Variants in FSTL5 observed in about 807,000 individuals in gnomAD.
FSTL5 encodes follistatin like 5.
FSTL5 carries 62 observed loss-of-function variants against 89.1 expected under a neutral mutation model. The ratio of observed to expected loss-of-function variants is 0.70; its 90% confidence interval spans 0.57 to 0.86. The LOEUF (loss-of-function observed/expected upper bound fraction) is 0.86. Among genes scored for constraint, FSTL5 ranks in the 40% least tolerant of loss-of-function variants. The pLI is 0.00. For synonymous variants in FSTL5, 383 were observed against 346.2 expected, an observed-to-expected ratio of 1.11 and a Z score of -1.18; for missense variants, 1,057 against 1,001.6, an observed-to-expected ratio of 1.06 and a Z score of -0.75.
chr4:161,897,671 A>T (rs1436910556), intron 4 of FSTL5, among the ~76,000 whole-genome samples: 3 of 151,994 alleles, frequency 2.0e-5, no homozygotes. Context: ...TATTATTAAC[A>T]TCTTGAATTA....
At chr4:161,913,671 C>T (rs1226435592) in intron 4 of FSTL5, among the ~76,000 whole-genome samples, 2 of 151,998 alleles carry the variant, frequency 1.3e-5, no homozygotes, top group East Asian at 1.9e-4. Flanking sequence ...GGCAGAGCTA[C>T]CCAAGACCAT....
rs1731403542 is a variant in FSTL5, at chr4:161,847,388, C to CT, written c.410-71315dup. On this transcript the variant is annotated intron_variant, in intron 4 of 15. Transcript: ENST00000306100. ...TATTAGAGAGAAACCATTACTATCCCTATTTTACAGATGAGAAAGCATACA... is the reference window on the plus strand; with the variant it reads ...TATTAGAGAGAAACCATTACTATCCCTTATTTTACAGATGAGAAAGCATACA... Among the ~76,000 whole-genome samples, 6 of 152,092 alleles carry CT rather than the reference C, an allele frequency of 3.9e-5. No homozygotes were observed. In the South Asian group the frequency reaches 1.2e-3, roughly 31 times the overall value.
chr4:161,526,180 G>C (rs1328326421), intron 10 of FSTL5, among the ~76,000 whole-genome samples: 1 of 152,020 alleles, frequency 6.6e-6, no homozygotes, highest in Non-Finnish European at 1.5e-5. Context: ...ATTAACATTA[G>C]TATAACTTGT....
chr4:162,138,106 A>G (rs1732586868), intron 1 of FSTL5, among the ~76,000 whole-genome samples: 1 of 151,780 alleles, frequency 6.6e-6, no homozygotes, highest in Non-Finnish European at 1.5e-5. Context: ...AACACCATGA[A>G]AGCAGAAATA....
At chr4:162,144,808 T>A (rs577090727) in intron 1 of FSTL5, among the ~76,000 whole-genome samples, 1 of 152,172 alleles carries the variant, frequency 6.6e-6, no homozygotes, top group Non-Finnish European at 1.5e-5. Flanking sequence ...TGTTTGGAAT[T>A]TTCTTATGTA....
chr4:161,755,174 C>T (rs1740526907), intron 6 of FSTL5, among the ~76,000 whole-genome samples: 2 of 151,730 alleles, frequency 1.3e-5, no homozygotes, highest in African/African-American at 4.8e-5. Context: ...ACTTGAAGCA[C>T]ACAATAAGGA....
chr4:162,036,138 C>G (rs190632610), intron 2 of FSTL5, among the ~76,000 whole-genome samples: 2 of 152,036 alleles, frequency 1.3e-5, no homozygotes, highest in African/African-American at 2.4e-5. Context: ...CCTTAAGTCT[C>G]GTTCTATTGC....
chr4:161,625,878 T>C (rs1735299958), intron 7 of FSTL5, among the ~76,000 whole-genome samples: 1 of 152,118 alleles, frequency 6.6e-6, no homozygotes, highest in East Asian at 1.9e-4. Flanking sequence ...TTGAGTGGTC[T>C]GGATAGAAGA....
chr4:162,153,642 G>GTATATAATAATA (rs1431868029), intron 1 of FSTL5, among the ~76,000 whole-genome samples: 1 of 86,420 alleles, frequency 1.2e-5, no homozygotes, highest in African/African-American at 4.2e-5. Flanking sequence ...AATAATATAT[G>GTATATAATAATA]TATATTATAT....
chr4:162,117,006 C>T (rs1188518433), intron 1 of FSTL5, among the ~76,000 whole-genome samples: 1 of 152,158 alleles, frequency 6.6e-6, no homozygotes, highest in Non-Finnish European at 1.5e-5. Context: ...ATCACTCTTA[C>T]AAAGATGTAA....
intron 7 of FSTL5, among the ~76,000 whole-genome samples, chr4:161,618,505 C>T (rs535500851): frequency 0.018 from 2,709 of 147,494 alleles, 46 homozygotes; most frequent in South Asian, 0.047. Flanking sequence ...CCCATCAATA[C>T]CTAATTTATT....
chr4:161,476,539 G>T (rs1401684856), intron 13 of FSTL5, among the ~76,000 whole-genome samples: 1 of 151,900 alleles, frequency 6.6e-6, no homozygotes, highest in Admixed American at 6.6e-5. Context: ...ATTATTGTAG[G>T]CCATCTCTGT....
intron 13 of FSTL5, among the ~76,000 whole-genome samples, chr4:161,467,184 C>T (rs1733775542): frequency 1.3e-5 from 2 of 151,894 alleles, no homozygotes; most frequent in African/African-American, 2.4e-5. Context: ...TGCCTCATTT[C>T]TATATCCATA....
intron 4 of FSTL5, among the ~76,000 whole-genome samples, chr4:161,861,956 T>C (rs1579150138): frequency 6.6e-6 from 1 of 152,212 alleles, no homozygotes; most frequent in South Asian, 2.1e-4. Context: ...CCTCACCTTG[T>C]AAAACTGACA....
intron 3 of FSTL5, among the ~76,000 whole-genome samples, chr4:161,968,365 C>A (rs990455436): frequency 2.0e-5 from 3 of 151,888 alleles, no homozygotes; most frequent in Non-Finnish European, 4.4e-5. Flanking sequence ...AAAAAAAAGT[C>A]ATCCTTATCT....
rs535721716 is a variant in FSTL5, at chr4:161,845,894, A to C, written c.410-69820T>G. On this transcript the variant is annotated intron_variant, in intron 4 of 15. Coordinates refer to ENST00000306100, the MANE Select transcript of FSTL5 (RefSeq NM_020116.5). Reference sequence around the variant, plus strand: ...AACTCCATCGCTACTAAAAATACAAAAATTAGCTGGGCATGGTGGCAGGTG... The same window carrying C: ...AACTCCATCGCTACTAAAAATACAACAATTAGCTGGGCATGGTGGCAGGTG... 2.6e-5 allele frequency among the ~76,000 whole-genome samples: 4 copies of C among 152,190 alleles called. No individual in the cohort carries two copies. In the South Asian group the frequency reaches 8.3e-4, roughly 32 times the overall value.
At chr4:161,739,933 A>G (rs1739948154) in intron 6 of FSTL5, among the ~76,000 whole-genome samples, 1 of 152,158 alleles carries the variant, frequency 6.6e-6, no homozygotes, top group Admixed American at 6.5e-5. Context: ...ATTTAAGTTC[A>G]AAAGGTAATT....
chr4:162,121,492 CAT>C (rs1330994289), intron 1 of FSTL5, among the ~76,000 whole-genome samples: 1 of 151,962 alleles, frequency 6.6e-6, no homozygotes, highest in Non-Finnish European at 1.5e-5. Context: ...AACTAAAAAA[CAT>C]ATTGTCTGCC....
intron 6 of FSTL5, among the ~76,000 whole-genome samples, chr4:161,704,598 T>C (rs753112518): frequency 1.8e-4 from 28 of 152,106 alleles, no homozygotes; most frequent in Admixed American, 2.0e-4. Flanking sequence ...TTTTTTCCTC[T>C]GGTAAAGAAT....
Sources: gnomAD v4.1 joint callset for allele counts (sites outside exome capture counted in the v4.1 genomes callset) on GRCh38, gnomAD v4.1.1 for gene constraint, MANE v1.5 for transcripts, NCBI Gene and HGNC (gene_info 2026-07-23, HGNC 2026-07-21) for gene names.